The following PERP variants were observed in gnomAD, a reference collection of about 807,000 sequenced individuals.
PERP encodes the protein p53 apoptosis effector related to PMP22, also known as p53 apoptosis effector related to PMP-22.
Under a neutral mutation model 20.3 loss-of-function variants are expected in PERP, and 11 were observed. The ratio of observed to expected loss-of-function variants is 0.54; its 90% CI spans 0.34 to 0.90. The LOEUF (loss-of-function observed/expected upper bound fraction) is 0.90, where lower values mean the gene tolerates loss of function less well. Among genes scored for constraint, PERP ranks in the 40% least tolerant of loss-of-function variants. PERP has a pLI of 0.02. For missense variants in PERP, 224 were observed against 249.4 expected (o/e 0.90, Z 0.69); for synonymous variants, 101 against 102.0 (o/e 0.99, Z 0.06).
chr6:138,106,722 T>C (rs747913691), intron 1 of PERP, among the ~76,000 whole-genome samples: 5 of 152,140 alleles, frequency 3.3e-5, no homozygotes, highest in Non-Finnish European at 5.9e-5. Context: ...AGGCACGTTA[T>C]TTCAATATTT....
Position 138,089,896 on chromosome 6 carries a change from T to C in PERP, c.*2146A>G, listed in dbSNP as rs1421025772. 6.6e-6 allele frequency: 1 copy of C among 152,202 alleles called. No homozygotes were observed. 9.4% of individuals were successfully genotyped at this position (152,202 alleles called of 1,614,324 possible). On this transcript the variant is annotated 3_prime_UTR_variant, in exon 3 of 3. Transcript: ENST00000421351. ...CTAAATGTGCGCCGTTAAGGTATTG[T>C]GTGATTGAGGAGGGGAAGAAGGCTG... is the stretch of plus-strand genomic sequence containing the variant.
chr6:138,093,459 C>T (rs1366314700), intron 2 of PERP, among the ~76,000 whole-genome samples: 2 of 151,906 alleles, frequency 1.3e-5, no homozygotes, highest in Admixed American at 6.6e-5. Context: ...CTTAACTAAA[C>T]ATTCCTCTTC....
At chr6:138,097,561 C>T (rs1380913933) in intron 1 of PERP, among the ~76,000 whole-genome samples, 2 of 152,046 alleles carry the variant, frequency 1.3e-5, no homozygotes, top group Non-Finnish European at 2.9e-5. Flanking sequence ...GACTTTAGTG[C>T]ACCCATTACC....
intron 1 of PERP, among the ~76,000 whole-genome samples, chr6:138,100,852 T>G (rs762450052): frequency 6.6e-6 from 1 of 152,156 alleles, no homozygotes; most frequent in Non-Finnish European, 1.5e-5. Flanking sequence ...CTTCTCAAAG[T>G]TTCCTAGCCC....
At chr6:138,102,094 A>G (rs1178884558) in intron 1 of PERP, among the ~76,000 whole-genome samples, 1 of 152,246 alleles carries the variant, frequency 6.6e-6, no homozygotes, top group African/African-American at 2.4e-5. Context: ...AAATGGCTCA[A>G]CAGAGAGATG....
In PERP at chr6:138,107,024, G is replaced by T; in HGVS notation, c.214+103C>A. The T allele has an allele frequency of 1.7e-6, 2 of 1,184,010 alleles. No homozygotes were observed. Among genetic ancestry groups the T allele is most frequent in the Non-Finnish European group, 2.3e-6 (2 of 858,466 alleles). The allele number at this position is 1,184,010 out of a possible 1,614,324, so 73.3% of individuals were successfully genotyped here. A position where few individuals can be genotyped will look rare whatever the true frequency, so the allele number is the denominator to read the frequency against. On this transcript the variant is annotated intron_variant, in intron 1 of 2. Transcript: ENST00000421351. This position sits in a 1 kb window ranked among gnomAD's most constrained non-coding sequence, Gnocchi z 4.8. The stretch of plus-strand genomic sequence containing the variant: ...TAAACAGGCATTCTGAAAAGCACTG[G>T]CTCCCCCGACCCTGTGAGGGCCCAT...
intron 1 of PERP, among the ~76,000 whole-genome samples, chr6:138,100,948 A>C (rs1157364040): frequency 6.6e-6 from 1 of 152,258 alleles, no homozygotes. Context: ...ACGTGTTTTT[A>C]AGGTTTCTGT....
At chr6:138,093,741 A>G (rs909086102) in intron 2 of PERP, among the ~76,000 whole-genome samples, 1 of 152,112 alleles carries the variant, frequency 6.6e-6, no homozygotes, top group Admixed American at 6.5e-5. Flanking sequence ...TCAGTGTTCA[A>G]TTTTTCTGAT....
intron 1 of PERP, among the ~76,000 whole-genome samples, chr6:138,097,033 T>C (rs1307483221): frequency 1.5e-5 from 2 of 132,846 alleles, no homozygotes; most frequent in Non-Finnish European, 3.3e-5. Flanking sequence ...TGTGGAGAAG[T>C]AGCTCTGATC....
chr6:138,106,362 T>C (rs1421268598), intron 1 of PERP, among the ~76,000 whole-genome samples: 2 of 152,184 alleles, frequency 1.3e-5, no homozygotes, highest in Non-Finnish European at 2.9e-5. Context: ...GTCCTGACTT[T>C]CAGCAAGGCA....
At chr6:138,095,894 C>T (rs1775681691) in intron 2 of PERP, among the ~76,000 whole-genome samples, 1 of 152,152 alleles carries the variant, frequency 6.6e-6, no homozygotes, top group Admixed American at 6.5e-5. Flanking sequence ...CAGGGTCTTC[C>T]ATCCCACGGC....
chr6:138,093,700 T>C (rs1775625716), intron 2 of PERP, among the ~76,000 whole-genome samples: 1 of 152,168 alleles, frequency 6.6e-6, no homozygotes, highest in African/African-American at 2.4e-5. Flanking sequence ...TTATAACAGT[T>C]TGGATTAATT....
Sources: gnomAD v4.1 joint callset for allele counts (sites outside exome capture counted in the v4.1 genomes callset) on GRCh38, gnomAD v4.1.1 for gene constraint, Gnocchi (gnomAD v3.1) non-coding constraint, MANE v1.5 for transcripts, NCBI Gene and HGNC (gene_info 2026-07-23, HGNC 2026-07-21) for gene names.